Variants in VPS13B observed in about 807,000 individuals in gnomAD.
VPS13B encodes the protein intermembrane lipid transfer protein VPS13B.
In VPS13B, 285 loss-of-function variants were observed where a neutral mutation model predicts 426.4. The observed-to-expected ratio is 0.67, with a 90% confidence interval of 0.61 to 0.74. The LOEUF is 0.74. Ranked by LOEUF, VPS13B falls within the 30% of genes least tolerant of loss-of-function variation. The probability of loss-of-function intolerance (pLI) is 0.00; values close to 1 mark genes in which losing one functional copy is unlikely to be tolerated. For synonymous variants in VPS13B, 1,676 were observed against 1,676.4 expected (o/e 1.00, Z 0.01); for missense variants, 4,537 against 4,782.6 (o/e 0.95, Z 1.51).
rs78946492 is a variant in VPS13B, at chr8:99,684,003, T to G, written c.6047-15522T>G. Among the ~76,000 whole-genome samples, 12 of 152,360 alleles carry G rather than the reference T, an allele frequency of 7.9e-5. No homozygotes were observed. The East Asian group carries it at 2.3e-3, about 29-fold the overall frequency. ...TATATAGCCTTCATCAGGTTAAGTT[T>G]CCCTCTACCAATAGTTTGCCTAGAG... On this transcript the variant is annotated intron_variant, in intron 35 of 61. Coordinates refer to ENST00000357162, the MANE Select transcript of VPS13B (RefSeq NM_152564.5).
At chr8:99,226,538 C>T (rs1816029005) in intron 17 of VPS13B, among the ~76,000 whole-genome samples, 1 of 152,162 alleles carries the variant, frequency 6.6e-6, no homozygotes, top group South Asian at 2.1e-4. Context: ...TATCTTCATG[C>T]ATGTTGATAT....
intron 43 of VPS13B, among the ~76,000 whole-genome samples, chr8:99,798,282 A>T (rs962386065): frequency 6.6e-6 from 1 of 150,798 alleles, no homozygotes; most frequent in East Asian, 2.0e-4. Context: ...ACATTCTCTG[A>T]GGGAGCTTAC....
At chr8:99,775,867 C>T (rs1433924280) in intron 40 of VPS13B, among the ~76,000 whole-genome samples, 2 of 151,984 alleles carry the variant, frequency 1.3e-5, no homozygotes, top group Non-Finnish European at 1.5e-5. Flanking sequence ...CACGCTGCTC[C>T]AGCCTGGCCT....
intron 56 of VPS13B, among the ~76,000 whole-genome samples, chr8:99,857,923 T>C (rs1167640845): frequency 1.3e-5 from 2 of 152,236 alleles, no homozygotes; most frequent in African/African-American, 2.4e-5. Context: ...GTTATCATCC[T>C]AACGTTCCAG....
intron 27 of VPS13B, among the ~76,000 whole-genome samples, chr8:99,503,910 T>C (rs1429808383): frequency 6.6e-6 from 1 of 152,228 alleles, no homozygotes; most frequent in Non-Finnish European, 1.5e-5. Context: ...GTGTCTACAG[T>C]GGTGAATCTT....
intron 3 of VPS13B, among the ~76,000 whole-genome samples, chr8:99,083,159 C>T (rs1263636220): frequency 6.6e-6 from 1 of 152,158 alleles, no homozygotes; most frequent in Non-Finnish European, 1.5e-5. Flanking sequence ...TTGTAGTTCT[C>T]CTTGAAGAGC....
chr8:99,700,908 G>T (rs1438853057), intron 36 of VPS13B, among the ~76,000 whole-genome samples: 2 of 152,064 alleles, frequency 1.3e-5, no homozygotes, highest in Non-Finnish European at 2.9e-5. Flanking sequence ...TTTAATTTGT[G>T]GGGGGAAATT....
chr8:99,584,476 G>T (rs1408781347), intron 33 of VPS13B, among the ~76,000 whole-genome samples: 1 of 152,148 alleles, frequency 6.6e-6, no homozygotes, highest in Non-Finnish European at 1.5e-5. Flanking sequence ...GTCTTATTAG[G>T]CATTGTTCAT....
chr8:99,559,128 T>A (rs1824753898), intron 31 of VPS13B, among the ~76,000 whole-genome samples: 1 of 152,228 alleles, frequency 6.6e-6, no homozygotes. Flanking sequence ...GGTATCTTAT[T>A]TTGGTTTTGA....
Position 99,776,044 on chromosome 8 carries a change from A to G in VPS13B, c.7248-731A>G, listed in dbSNP as rs528113020. 4.6e-5 allele frequency among the ~76,000 whole-genome samples: 7 copies of G among 152,340 alleles called. 1 individual carries two copies. The highest frequency in any genetic ancestry group is 1.7e-4 in the African/African-American group (7 of 41,580). ...TAACTTTTATGGCACCCGTTACAGT[A>G]GTGAGTGAGTGCTTAATAAAGAATA... is the stretch of plus-strand genomic sequence containing the variant. On this transcript the variant is annotated intron_variant, in intron 40 of 61. Coordinates refer to ENST00000357162, the MANE Select transcript of VPS13B (RefSeq NM_152564.5).
At chr8:99,140,619 C>T (rs563714447) in intron 12 of VPS13B, among the ~76,000 whole-genome samples, 5 of 150,054 alleles carry the variant, frequency 3.3e-5, no homozygotes, top group Non-Finnish European at 7.4e-5. Flanking sequence ...CTCTTCTCCT[C>T]CTCTCCTTCC....
chr8:99,324,050 A>G (rs770326831), intron 19 of VPS13B, among the ~76,000 whole-genome samples: 9 of 152,190 alleles, frequency 5.9e-5, no homozygotes, highest in East Asian at 1.9e-4. Flanking sequence ...GAGCAATCCT[A>G]TAGTTCATAC....
chr8:99,575,666 G>C lies in VPS13B; in HGVS notation c.4958G>C (p.Arg1653Pro). 1 of 1,613,716 alleles carries C rather than the reference G, an allele frequency of 6.2e-7. No individual in the cohort carries two copies. The highest frequency in any genetic ancestry group is 1.3e-5 in the African/African-American group (1 of 74,998). ...LEWNMASSIR[R>P]HQERRAILTP... ...TTTACTCTATCTTTTAGCATACGGC[G>C]GCATCAAGAAAGGAGAGCAATTTTG... is the stretch of plus-strand genomic sequence containing the variant. The change falls in exon 32 of 62, where the codon CGG becomes CCG. Residue 1653 changes from arginine to proline, a missense_variant. Around this residue, in one of 2 missense-constraint regions of VPS13B, gnomAD observed 4,311 missense variants for 4,474.3 expected, o/e 0.96. Coordinates refer to ENST00000357162, the MANE Select transcript of VPS13B (RefSeq NM_152564.5).
At chr8:99,442,741 T>C in intron 23 of VPS13B, 106 bp downstream of exon 23, 2 of 1,200,762 alleles carry the variant, frequency 1.7e-6, no homozygotes, top group African/African-American at 1.5e-5. Flanking sequence ...GTCTTCTCAT[T>C]GAAAGATTTT....
intron 55 of VPS13B, among the ~76,000 whole-genome samples, chr8:99,849,108 T>C (rs1457748936): frequency 6.6e-6 from 1 of 152,222 alleles, no homozygotes; most frequent in East Asian, 1.9e-4. Context: ...ACTCCTTCTG[T>C]GGTAGGGTTA....
intron 17 of VPS13B, among the ~76,000 whole-genome samples, chr8:99,251,816 T>C (rs1238097887): frequency 1.3e-5 from 2 of 152,052 alleles, no homozygotes; most frequent in Admixed American, 1.3e-4. Flanking sequence ...GGTTCATTTT[T>C]CTTCCCCTTG....
At chr8:99,171,340 T>C (rs1278017863) in intron 16 of VPS13B, among the ~76,000 whole-genome samples, 1 of 152,014 alleles carries the variant, frequency 6.6e-6, no homozygotes, top group East Asian at 1.9e-4. Flanking sequence ...ACAGTTGATA[T>C]GGTGATATCA....
At chr8:99,790,915 T>G (rs1812507188) in intron 43 of VPS13B, among the ~76,000 whole-genome samples, 1 of 152,108 alleles carries the variant, frequency 6.6e-6, no homozygotes, top group Admixed American at 6.5e-5. Flanking sequence ...GAGGGGGAAG[T>G]AGGCTAAGGC....
Position 99,800,250 on chromosome 8 carries a change from C to T in VPS13B, c.7942-9125C>T, listed in dbSNP as rs1813053563. On this transcript the variant is annotated intron_variant, in intron 43 of 61. Coordinates refer to ENST00000357162, the MANE Select transcript of VPS13B (RefSeq NM_152564.5). ...AGTTCTTTGAATCTGTGCTTTTCAACCCTTTGTGGTGGTACCAAGGGTAAA... is the reference window on the plus strand; with the variant it reads ...AGTTCTTTGAATCTGTGCTTTTCAATCCTTTGTGGTGGTACCAAGGGTAAA... 2.6e-5 allele frequency among the ~76,000 whole-genome samples: 4 copies of T among 152,144 alleles called. No homozygotes were observed. The South Asian group carries it at 8.3e-4, about 32-fold the overall frequency.
Sources: gnomAD v4.1 joint callset for allele counts (sites outside exome capture counted in the v4.1 genomes callset) on GRCh38, gnomAD v4.1.1 for gene constraint, gnomAD v4.1.1 regional missense constraint, MANE v1.5 for transcripts, NCBI Gene and HGNC (gene_info 2026-07-23, HGNC 2026-07-21) for gene names.